PIGU: variants seen among roughly 807,000 people sequenced by gnomAD.
PIGU encodes the protein GPI-anchor transamidase component PIGU.
PIGU carries 24 observed loss-of-function variants against 49.9 expected under a neutral mutation model. The observed-to-expected ratio is 0.48, with a 90% CI of 0.35 to 0.68. PIGU has a LOEUF of 0.68. Ranked by LOEUF, PIGU falls within the 30% of genes least tolerant of loss-of-function variation. The probability of loss-of-function intolerance (pLI) is 0.01; values close to 1 mark genes in which losing one functional copy is unlikely to be tolerated. For missense variants in PIGU, 490 were observed against 532.6 expected (o/e 0.92, Z 0.79); for synonymous variants, 220 against 205.7 (o/e 1.07, Z -0.59).
intron 6 of PIGU, among the ~76,000 whole-genome samples, chr20:34,623,646 A>C (rs1443579766): frequency 6.6e-6 from 1 of 152,180 alleles, no homozygotes; most frequent in Non-Finnish European, 1.5e-5. Context: ...CTTGATCTCA[A>C]TCAAGCACCA....
At chr20:34,650,051 T>C (rs1417769022) in intron 2 of PIGU, among the ~76,000 whole-genome samples, 1 of 151,632 alleles carries the variant, frequency 6.6e-6, no homozygotes, top group African/African-American at 2.4e-5. Flanking sequence ...GGTTTCACCG[T>C]GTTGGCCAGG....
chr20:34,609,293 GT>G (rs1302115064), intron 7 of PIGU, among the ~76,000 whole-genome samples: 4 of 152,088 alleles, frequency 2.6e-5, no homozygotes, highest in African/African-American at 9.7e-5. Flanking sequence ...AGTTGACAGA[GT>G]AAGACCCTGT....
At chr20:34,615,706 G>T (rs762047302) in intron 7 of PIGU, among the ~76,000 whole-genome samples, 77 of 152,066 alleles carry the variant, frequency 5.1e-4, no homozygotes, top group Non-Finnish European at 9.0e-4. Flanking sequence ...TTTGTCTAGT[G>T]TATCCCTGCC....
intron 2 of PIGU, among the ~76,000 whole-genome samples, chr20:34,656,634 T>C (rs1440446160): frequency 1.3e-5 from 2 of 151,790 alleles, no homozygotes; most frequent in Non-Finnish European, 2.9e-5. Flanking sequence ...CTGGGCATGG[T>C]GGTGCACACT....
At chr20:34,675,920 C>A (rs1194506016) in intron 1 of PIGU, among the ~76,000 whole-genome samples, 1 of 151,302 alleles carries the variant, frequency 6.6e-6, no homozygotes, top group Non-Finnish European at 1.5e-5. Flanking sequence ...GGTGCTGATA[C>A]TGTTTCTTGA....
chr20:34,561,122 G>A (rs1303193142), intron 11 of PIGU, 143 bp from the exon 12 acceptor site: 8 of 617,302 alleles, frequency 1.3e-5, no homozygotes, highest in Non-Finnish European at 2.3e-5. Flanking sequence ...CCCTCCTCAG[G>A]GCCCCCACCT....
At chr20:34,602,786 G>C (rs1034754447) in intron 7 of PIGU, among the ~76,000 whole-genome samples, 3 of 152,092 alleles carry the variant, frequency 2.0e-5, no homozygotes, top group Non-Finnish European at 2.9e-5. Flanking sequence ...CCAAGGTCGA[G>C]AGAAAGAACT....
At chr20:34,585,388 C>T (rs1433058388) in intron 9 of PIGU, 49 bp downstream of exon 9, 4 of 1,582,456 alleles carry the variant, frequency 2.5e-6, no homozygotes, top group African/African-American at 2.7e-5. Context: ...GAGGCAGGGG[C>T]TTCTCGGACA....
chr20:34,624,576 C>G (rs764492359), intron 6 of PIGU, among the ~76,000 whole-genome samples: 1 of 152,192 alleles, frequency 6.6e-6, no homozygotes, highest in Non-Finnish European at 1.5e-5. Flanking sequence ...TCGCTGTTGA[C>G]AAACACCAAT....
At chr20:34,632,357 T>C (rs1327377135) in intron 6 of PIGU, among the ~76,000 whole-genome samples, 2 of 151,684 alleles carry the variant, frequency 1.3e-5, no homozygotes, top group Non-Finnish European at 2.9e-5. Flanking sequence ...ACTCAAAATA[T>C]ATATCTCATA....
intron 9 of PIGU, 44 bp from the exon 10 acceptor site, chr20:34,581,716 C>T (rs752153462): frequency 7.5e-6 from 12 of 1,601,340 alleles, no homozygotes; most frequent in South Asian, 5.5e-5. Flanking sequence ...GAGTCAGGGA[C>T]CAGGCCTACC....
At chr20:34,605,475 G>A (rs1410293279) in intron 7 of PIGU, among the ~76,000 whole-genome samples, 3 of 152,090 alleles carry the variant, frequency 2.0e-5, no homozygotes, top group Admixed American at 6.5e-5. Context: ...TCCCCTCATC[G>A]CCCCACATAC....
chr20:34,676,857 A>G, intron 1 of PIGU, 99 bp downstream of exon 1: 1 of 1,502,804 alleles, frequency 6.7e-7, no homozygotes, highest in South Asian at 1.2e-5. Context: ...TTAGTTCTCT[A>G]GGAACCGCGC....
Position 34,612,973 on chromosome 20 carries a change from T to C in PIGU, c.627+3069A>G, listed in dbSNP as rs78433232. Among the ~76,000 whole-genome samples the C allele has an allele frequency of 3.5e-3, 538 of 152,292 alleles. 4 individuals carry two copies. Among genetic ancestry groups the C allele is most frequent in the African/African-American group, 0.012 (511 of 41,572 alleles). On this transcript the variant is annotated intron_variant, in intron 7 of 11. Coordinates refer to ENST00000217446, the MANE Select transcript of PIGU (RefSeq NM_080476.5). ...TGGACTAATACACCAGGCTACTTCA[T>C]ATATTTATAAAAAATATACAAATAT...
At chr20:34,621,531 T>C (rs1486834992) in intron 6 of PIGU, among the ~76,000 whole-genome samples, 4 of 151,890 alleles carry the variant, frequency 2.6e-5, no homozygotes, top group Admixed American at 2.6e-4. Context: ...AGTCTGAGTG[T>C]GGGATGCTGG....
At chr20:34,669,773 T>C (rs1987249114) in intron 1 of PIGU, among the ~76,000 whole-genome samples, 1 of 152,016 alleles carries the variant, frequency 6.6e-6, no homozygotes, top group Non-Finnish European at 1.5e-5. Flanking sequence ...TTAAATTGTA[T>C]CATGATATAT....
chr20:34,627,519 T>G lies in PIGU; in HGVS notation c.529+7096A>C, dbSNP rs999192579. ...GAGATACATATAACTTACTTACATG[T>G]TTTTCTTCCCCAAACAAAAACCTTT... On this transcript the variant is annotated intron_variant, in intron 6 of 11. Transcript: ENST00000217446. 2.0e-5 allele frequency among the ~76,000 whole-genome samples: 3 copies of G among 152,072 alleles called. No individual in the cohort carries two copies. In the East Asian group the frequency reaches 5.8e-4, roughly 29 times the overall value.
chr20:34,573,103 G>T (rs559684212), intron 11 of PIGU, among the ~76,000 whole-genome samples: 2 of 151,904 alleles, frequency 1.3e-5, no homozygotes, highest in South Asian at 4.2e-4. Flanking sequence ...CTTCTACCTT[G>T]GTCTCTCAAA....
Position 34,588,447 on chromosome 20 carries a change from A to G in PIGU, c.782+6T>C. On this transcript the variant is annotated splice_donor_region_variant and intron_variant, in intron 8 of 11. Transcript: ENST00000217446. ...TCTAGAATTTTCTAACGTGGTCATT[A>G]CTTACATAAAGCCATAGACTGCGGG... The G allele has an allele frequency of 6.2e-7, 1 of 1,610,630 alleles. No individual in the cohort carries two copies. Among genetic ancestry groups the G allele is most frequent in the Non-Finnish European group, 8.5e-7 (1 of 1,178,364 alleles).
Sources: gnomAD v4.1 joint callset for allele counts (sites outside exome capture counted in the v4.1 genomes callset) on GRCh38, gnomAD v4.1.1 for gene constraint, MANE v1.5 for transcripts, NCBI Gene and HGNC (gene_info 2026-07-23, HGNC 2026-07-21) for gene names.